FREY1: variants seen among roughly 807,000 people sequenced by gnomAD.
The protein encoded by FREY1 is Frey regulator of sperm-oocyte fusion 1.
the FREY1 span, chr11:45,906,657 C>G: frequency 6.3e-7 from 1 of 1,592,674 alleles, no homozygotes. Flanking sequence ...TCGAGGCCCT[C>G]GCGGCCTTGG....
the FREY1 span, chr11:45,906,612 T>A: frequency 1.9e-6 from 3 of 1,585,904 alleles, no homozygotes; most frequent in Non-Finnish European, 2.6e-6. Flanking sequence ...GTCGGGCCCG[T>A]CCCGCTTGCG....
At chr11:45,907,144 C>CCTCA in the FREY1 span, 10 of 1,556,934 alleles carry the variant, frequency 6.4e-6, no homozygotes, top group Admixed American at 1.4e-4. Context: ...CCAGGAGTCA[C>CCTCA]CTCAGAGGCT....
At chr11:45,906,663 C>T in the FREY1 span, 2 of 1,589,756 alleles carry the variant, frequency 1.3e-6, no homozygotes, top group East Asian at 2.2e-5. Context: ...CCCTCGCGGC[C>T]TTGGGTGCTT....
the FREY1 span, chr11:45,906,633 C>A: frequency 6.3e-7 from 1 of 1,596,514 alleles, no homozygotes; most frequent in Non-Finnish European, 8.5e-7. Context: ...CTGCTGGGCC[C>A]TAGACAGGAG....
chr11:45,906,861 G>T, the FREY1 span: 1 of 1,613,792 alleles, frequency 6.2e-7, no homozygotes, highest in South Asian at 1.1e-5. Context: ...GGACAAGAGA[G>T]ATACTACCAT....
At chr11:45,907,051 C>T in the FREY1 span, 1 of 1,533,028 alleles carries the variant, frequency 6.5e-7, no homozygotes, top group Non-Finnish European at 9.0e-7. Context: ...CTCGAACGCC[C>T]AGGGTACCAG....
the FREY1 span, chr11:45,907,004 T>TG: frequency 3.1e-5 from 50 of 1,589,118 alleles, no homozygotes; most frequent in South Asian, 8.8e-5. Context: ...TCCTTGTGAA[T>TG]GGGGGGATGG....
chr11:45,907,176 C>G, the FREY1 span: 15 of 1,557,216 alleles, frequency 9.6e-6, no homozygotes, highest in African/African-American at 1.4e-5. Context: ...AGTGCCACTG[C>G]CAGGATGAGG....
chr11:45,907,028 C>T, the FREY1 span: 4 of 1,564,906 alleles, frequency 2.6e-6, no homozygotes, highest in East Asian at 2.2e-5. Flanking sequence ...AGTGTGGGGG[C>T]ACTTGGCAAG....
chr11:45,907,029 A>C, the FREY1 span: 3 of 1,563,802 alleles, frequency 1.9e-6, no homozygotes. Context: ...GTGTGGGGGC[A>C]CTTGGCAAGC....
the FREY1 span, chr11:45,907,197 G>C: frequency 1.3e-6 from 2 of 1,557,216 alleles, no homozygotes; most frequent in Non-Finnish European, 1.7e-6. Context: ...TGGAGGAAGA[G>C]GCTGAGCCCA....
At chr11:45,907,236 C>A in the FREY1 span, 2 of 1,549,996 alleles carry the variant, frequency 1.3e-6, no homozygotes, top group Non-Finnish European at 1.7e-6. Context: ...CCCAGCATGG[C>A]GAGAACCATC....
the FREY1 span, chr11:45,906,827 C>T: frequency 1.2e-6 from 2 of 1,612,238 alleles, no homozygotes; most frequent in Non-Finnish European, 1.7e-6. Flanking sequence ...GGCGTCTCCA[C>T]TGTCAGGGAT....
At chr11:45,906,614 C>G in the FREY1 span, 2 of 1,586,520 alleles carry the variant, frequency 1.3e-6, no homozygotes, top group Non-Finnish European at 1.7e-6. Flanking sequence ...CGGGCCCGTC[C>G]CGCTTGCGCT....
chr11:45,906,771 T>A, the FREY1 span: 59 of 1,600,746 alleles, frequency 3.7e-5, no homozygotes, highest in South Asian at 6.5e-4. Flanking sequence ...CAGATGTGGT[T>A]TGGGATGACA....
the FREY1 span, chr11:45,906,948 G>C: frequency 6.2e-7 from 1 of 1,613,686 alleles, no homozygotes; most frequent in Non-Finnish European, 8.5e-7. Flanking sequence ...GAGACCTGTG[G>C]GAGATGTCGG....
the FREY1 span, chr11:45,907,134 C>G: frequency 6.4e-7 from 1 of 1,555,556 alleles, no homozygotes. Context: ...CCTCTGTGCC[C>G]CAGGAGTCAC....
the FREY1 span, chr11:45,906,604 C>G: frequency 1.3e-6 from 2 of 1,580,396 alleles, no homozygotes; most frequent in Non-Finnish European, 1.7e-6. Context: ...TCGGCAAGGT[C>G]GGGCCCGTCC....
chr11:45,907,214 G>C, the FREY1 span: 1 of 1,555,240 alleles, frequency 6.4e-7, no homozygotes, highest in Non-Finnish European at 8.7e-7. Context: ...CCCAGCCCGG[G>C]GGTGCAGAGC....
Sources: allele counts gnomAD v4.1 joint callset, GRCh38; gene constraint gnomAD v4.1.1; transcripts MANE v1.5; gene names NCBI Gene and HGNC (gene_info 2026-07-23, HGNC 2026-07-21).